The following PEX5L variants were observed in gnomAD, a reference collection of about 807,000 sequenced individuals.
PEX5L encodes peroxisomal biogenesis factor 5 like.
A neutral mutation model predicts 84.0 loss-of-function variants in PEX5L; 30 were observed. The observed-to-expected ratio is 0.36, with a 90% confidence interval of 0.27 to 0.48. PEX5L has a LOEUF of 0.48. Among genes scored for constraint, PEX5L ranks in the 20% least tolerant of loss-of-function variants. PEX5L has a pLI of 0.99. For missense variants in PEX5L, 533 were observed against 754.6 expected (o/e 0.71, Z 3.44); for synonymous variants, 270 against 283.1 (o/e 0.95, Z 0.46).
chr3:180,003,212 CT>C (rs1383043814), intron 1 of PEX5L, among the ~76,000 whole-genome samples: 1 of 152,108 alleles, frequency 6.6e-6, no homozygotes, highest in East Asian at 1.9e-4. Flanking sequence ...AACTCAGTCT[CT>C]AAAGGGAGCT....
intron 1 of PEX5L, among the ~76,000 whole-genome samples, chr3:180,018,769 T>G (rs1790162509): frequency 6.6e-6 from 1 of 152,210 alleles, no homozygotes; most frequent in South Asian, 2.1e-4. Context: ...CAGGCCTGCC[T>G]GTCTTACTGG....
chr3:179,813,863 A>T (rs1461831902), intron 10 of PEX5L, among the ~76,000 whole-genome samples: 1 of 149,396 alleles, frequency 6.7e-6, no homozygotes, highest in African/African-American at 2.5e-5. Context: ...TTTTTAGTAG[A>T]GGCGGGGTTT....
chr3:179,881,867 T>A (rs952454601), intron 4 of PEX5L, among the ~76,000 whole-genome samples: 1 of 152,188 alleles, frequency 6.6e-6, no homozygotes, highest in African/African-American at 2.4e-5. Context: ...CACTTCCCAA[T>A]GCTAAGATGC....
chr3:179,823,937 C>T (rs1458629996), intron 8 of PEX5L, among the ~76,000 whole-genome samples: 1 of 152,030 alleles, frequency 6.6e-6, no homozygotes, highest in Non-Finnish European at 1.5e-5. Context: ...ATTTAATAAT[C>T]TCCAAAAATT....
chr3:179,797,134 T>C lies in PEX5L; in HGVS notation c.*4694A>G, dbSNP rs1352507790. ...GTCAACATGATTTAGTTTAGTAGCA[T>C]TCAGACACTTGGATTTGTTTAAGTT... On this transcript the variant is annotated 3_prime_UTR_variant, in exon 15 of 15. Transcript: ENST00000467460. 5.9e-5 allele frequency: 9 copies of C among 152,242 alleles called. No homozygotes were observed. The highest frequency in any genetic ancestry group is 5.9e-4 in the Admixed American group (9 of 15,284). The allele number at this position is 152,242 out of a possible 1,614,324, so 9.4% of individuals were successfully genotyped here.
intron 1 of PEX5L, among the ~76,000 whole-genome samples, chr3:179,982,047 A>C (rs541050657): frequency 1.3e-5 from 2 of 152,220 alleles, no homozygotes; most frequent in Non-Finnish European, 2.9e-5. Flanking sequence ...GCATATTTAA[A>C]GTGTGTTTAA....
intron 1 of PEX5L, among the ~76,000 whole-genome samples, chr3:179,979,044 C>T (rs1786065952): frequency 1.3e-5 from 2 of 152,200 alleles, no homozygotes; most frequent in South Asian, 2.1e-4. Flanking sequence ...GTACCTGCAA[C>T]GAAAGTGGCA....
chr3:179,942,361 C>T (rs550046563), intron 2 of PEX5L, among the ~76,000 whole-genome samples: 2 of 152,346 alleles, frequency 1.3e-5, no homozygotes, highest in Admixed American at 6.5e-5. Context: ...GTCCCTCTCG[C>T]GGCTGTTCTG....
At chr3:179,925,604 GATT>G (rs1391906920) in intron 2 of PEX5L, among the ~76,000 whole-genome samples, 3 of 152,120 alleles carry the variant, frequency 2.0e-5, no homozygotes, top group African/African-American at 7.2e-5. Flanking sequence ...TGACAATTTA[GATT>G]ATTTCCTATT....
chr3:180,010,969 T>C (rs1463111582), intron 1 of PEX5L, among the ~76,000 whole-genome samples: 5 of 152,222 alleles, frequency 3.3e-5, no homozygotes, highest in African/African-American at 1.2e-4. Flanking sequence ...TGCTGGTCTG[T>C]TGAAGACCTG....
chr3:179,898,739 A>T (rs554365949), intron 2 of PEX5L, among the ~76,000 whole-genome samples: 2 of 152,114 alleles, frequency 1.3e-5, no homozygotes, highest in Admixed American at 1.3e-4. Context: ...AAAGAGTAAA[A>T]ATGTTGCAAA....
intron 2 of PEX5L, among the ~76,000 whole-genome samples, chr3:179,920,691 G>C (rs1157289027): frequency 6.6e-6 from 1 of 152,114 alleles, no homozygotes; most frequent in Non-Finnish European, 1.5e-5. Context: ...ACACGCCTTA[G>C]TAAACTTTTC....
chr3:179,958,935 G>A (rs1182907769), intron 2 of PEX5L, among the ~76,000 whole-genome samples: 1 of 152,004 alleles, frequency 6.6e-6, no homozygotes, highest in South Asian at 2.1e-4. Flanking sequence ...GCTGAGGCAG[G>A]AGAATGGCGT....
chr3:179,818,576 C>A (rs942528564), intron 9 of PEX5L, among the ~76,000 whole-genome samples: 9 of 152,046 alleles, frequency 5.9e-5, no homozygotes, highest in Admixed American at 2.6e-4. Flanking sequence ...CATTAACCAT[C>A]CCCAGTTCCC....
At chr3:179,869,860 C>T (rs749910867) in intron 7 of PEX5L, among the ~76,000 whole-genome samples, 12 of 152,174 alleles carry the variant, frequency 7.9e-5, no homozygotes, top group Non-Finnish European at 1.5e-4. Context: ...TCAGCCTTCC[C>T]AATATGGCTT....
chr3:179,795,702 CTTTAAACA>C lies in PEX5L; in HGVS notation c.*6118_*6125del, dbSNP rs1183018250. On this transcript the variant is annotated 3_prime_UTR_variant, in exon 15 of 15. Coordinates refer to ENST00000467460, the MANE Select transcript of PEX5L (RefSeq NM_016559.3). ...TCAGCCTGAAAATGAAATCCCAAGA[CTTTAAACA>C]TTTATGAGCATGAGGAGGAAGCATC... The C allele has an allele frequency of 6.6e-6, 1 of 152,090 alleles. No homozygotes were observed. Among genetic ancestry groups the C allele is most frequent in the Non-Finnish European group, 1.5e-5 (1 of 68,006 alleles). The allele number at this position is 152,090 out of a possible 1,614,324, so 9.4% of individuals were successfully genotyped here.
At chr3:179,842,085 T>C (rs1005685252) in intron 8 of PEX5L, among the ~76,000 whole-genome samples, 20 of 152,182 alleles carry the variant, frequency 1.3e-4, no homozygotes, top group Admixed American at 1.2e-3. Flanking sequence ...ACTGGAATAA[T>C]TTTGCTGGAT....
chr3:179,963,815 C>T (rs1413330871), intron 2 of PEX5L, among the ~76,000 whole-genome samples: 1 of 152,106 alleles, frequency 6.6e-6, no homozygotes, highest in Non-Finnish European at 1.5e-5. Flanking sequence ...CCCTCACTCC[C>T]TATGTTTCTT....
intron 9 of PEX5L, among the ~76,000 whole-genome samples, chr3:179,817,458 C>T (rs189306285): frequency 2.6e-5 from 4 of 152,252 alleles, no homozygotes; most frequent in East Asian, 3.9e-4. Context: ...AATAAAACTA[C>T]GGTGAAAGCC....
Sources: gnomAD v4.1 joint callset for allele counts (sites outside exome capture counted in the v4.1 genomes callset) on GRCh38, gnomAD v4.1.1 for gene constraint, MANE v1.5 for transcripts, NCBI Gene and HGNC (gene_info 2026-07-23, HGNC 2026-07-21) for gene names.